SLC45A2: variants seen among roughly 807,000 people sequenced by gnomAD.
SLC45A2 encodes the protein solute carrier family 45 member 2, also known as membrane-associated transporter protein.
Under a neutral mutation model 45.5 loss-of-function variants are expected in SLC45A2, and 36 were observed. That is an observed-to-expected ratio of 0.79 (90% CI 0.61 to 1.04). The LOEUF (loss-of-function observed/expected upper bound fraction) is 1.04, where lower values mean the gene tolerates loss of function less well. Ranked by LOEUF, SLC45A2 falls within the 50% of genes least tolerant of loss-of-function variation. The probability of loss-of-function intolerance (pLI) is 0.00; values close to 1 mark genes in which losing one functional copy is unlikely to be tolerated. For missense variants in SLC45A2, 719 were observed against 671.0 expected, an observed-to-expected ratio of 1.07 and a Z score of -0.79; for synonymous variants, 306 against 269.3, an observed-to-expected ratio of 1.14 and a Z score of -1.33.
chr5:33,952,362 ATT>A lies in SLC45A2; in HGVS notation c.1033-687_1033-686del, dbSNP rs111372186. 2.3e-3 allele frequency among the ~76,000 whole-genome samples: 323 copies of A among 142,638 alleles called. 1 individual carries two copies. The highest frequency in any genetic ancestry group is 7.3e-3 in the African/African-American group (287 of 39,318). The allele number at this position is 142,638 out of a possible 152,430, so 93.6% of individuals were successfully genotyped here. Reference sequence around the variant, plus strand: ...CACATCAATTGGCCCTATTTGTTGTATTTTTTTTTTTTGTAGTTTCAGCATTT... The same window carrying A: ...CACATCAATTGGCCCTATTTGTTGTATTTTTTTTTTGTAGTTTCAGCATTT... On this transcript the variant is annotated intron_variant, in intron 4 of 6. Transcript: ENST00000296589.
chr5:33,955,773 A>G (rs1752256397), intron 3 of SLC45A2, among the ~76,000 whole-genome samples: 1 of 152,236 alleles, frequency 6.6e-6, no homozygotes, highest in Non-Finnish European at 1.5e-5. Flanking sequence ...CTAACTTGTT[A>G]TAGCATGTCT....
At chr5:33,979,822 T>G (rs986356923) in intron 2 of SLC45A2, among the ~76,000 whole-genome samples, 5 of 152,210 alleles carry the variant, frequency 3.3e-5, no homozygotes, top group Admixed American at 6.5e-5. Context: ...TAGGATGACC[T>G]TGGCCGAGAG....
In SLC45A2 at chr5:33,946,032, C is replaced by T. The variant is rs113214512; in HGVS notation, c.1368+1131G>A. On this transcript the variant is annotated intron_variant, in intron 6 of 6. Transcript: ENST00000296589. ...ATATTATCTCACCTAAAAATGAACT[C>T]ATTCTAAGTGCTAACTAATAAACAA... 4.5e-4 allele frequency: 448 copies of T among 985,440 alleles called. 2 individuals carry two copies. The African/African-American group carries it at 7.4e-3, about 16-fold the overall frequency. 61.0% of individuals were successfully genotyped at this position (985,440 alleles called of 1,614,324 possible).
chr5:33,974,438 C>T (rs1007600107), intron 2 of SLC45A2, among the ~76,000 whole-genome samples: 8 of 150,274 alleles, frequency 5.3e-5, no homozygotes, highest in Admixed American at 4.6e-4. Flanking sequence ...TGGAACAGAA[C>T]CACAGCAGTG....
At chr5:33,965,229 G>T (rs1354586320) in intron 2 of SLC45A2, among the ~76,000 whole-genome samples, 2 of 152,084 alleles carry the variant, frequency 1.3e-5, no homozygotes, top group African/African-American at 4.8e-5. Flanking sequence ...AATCAAGGAA[G>T]AAAATAGAAC....
At position 33,982,374 on chromosome 5, in the gene SLC45A2, T is replaced by G. The variant is rs201449781; in HGVS notation, c.424A>C (p.Ile142Leu). ...ANPRRKLVWA[I>L]SVTMIGVVLF... ...ACGACACCTATCATGGTGACACTTA[T>G]GGCCCAAACCAGCTTCCTCCTTGGG... is the stretch of plus-strand genomic sequence containing the variant. The change falls in exon 2 of 7, where the codon ATA becomes CTA. Residue 142 changes from isoleucine (I) to leucine (L), a missense_variant. By Grantham distance (5) the Ile-to-Leu change is conservative. Coordinates refer to ENST00000296589, the MANE Select transcript of SLC45A2 (RefSeq NM_016180.5). The G allele has an allele frequency of 2.5e-6, 4 of 1,614,168 alleles. No homozygotes were observed. The East Asian group carries it at 8.9e-5, about 36-fold the overall frequency.
intron 2 of SLC45A2, among the ~76,000 whole-genome samples, chr5:33,980,293 G>A (rs1753038212): frequency 6.6e-6 from 1 of 151,390 alleles, no homozygotes; most frequent in Non-Finnish European, 1.5e-5. Flanking sequence ...ATGATTTATA[G>A]CTTTGCCAAT....
intron 2 of SLC45A2, chr5:33,971,284 T>C: frequency 1.9e-6 from 1 of 526,702 alleles, no homozygotes; most frequent in South Asian, 1.4e-5. Flanking sequence ...TCAGAATAGA[T>C]GTGGGAATTG....
At chr5:33,969,268 A>G (rs898899114) in intron 2 of SLC45A2, among the ~76,000 whole-genome samples, 4 of 151,834 alleles carry the variant, frequency 2.6e-5, no homozygotes, top group Admixed American at 6.6e-5. Flanking sequence ...TGTGTTCCCA[A>G]TGAAAAGAAA....
chr5:33,966,242 T>A (rs1752596946), intron 2 of SLC45A2, among the ~76,000 whole-genome samples: 1 of 151,988 alleles, frequency 6.6e-6, no homozygotes, highest in Non-Finnish European at 1.5e-5. Flanking sequence ...AATTGGGGAG[T>A]TTCCTGATGC....
rs947915850 is a variant in SLC45A2, at chr5:33,969,275, GA to G, written c.563-5260del. ...ACATGTGTTGTGTTCCCAATGAAAA[GA>G]AAAAAAAAATTTTAAATTAAAATAA... On this transcript the variant is annotated intron_variant, in intron 2 of 6. Coordinates refer to ENST00000296589, the MANE Select transcript of SLC45A2 (RefSeq NM_016180.5). Among the ~76,000 whole-genome samples, 456 of 145,184 alleles carry G rather than the reference GA, an allele frequency of 3.1e-3. 2 individuals carry two copies. The highest frequency in any genetic ancestry group is 9.2e-3 in the African/African-American group (359 of 39,038).
intron 5 of SLC45A2, among the ~76,000 whole-genome samples, chr5:33,948,082 C>A (rs1205902185): frequency 2.0e-5 from 3 of 152,098 alleles, no homozygotes; most frequent in African/African-American, 7.2e-5. Context: ...ATAATAAAAC[C>A]ATCTTTTGGA....
intron 2 of SLC45A2, among the ~76,000 whole-genome samples, chr5:33,964,500 T>C (rs1752546863): frequency 6.6e-6 from 1 of 152,348 alleles, no homozygotes; most frequent in African/African-American, 2.4e-5. Context: ...TTAAGCTTCC[T>C]GGGATGACGT....
chr5:33,950,261 A>G (rs1434594914), intron 5 of SLC45A2, among the ~76,000 whole-genome samples: 3 of 152,138 alleles, frequency 2.0e-5, no homozygotes, highest in African/African-American at 7.2e-5. Context: ...GAAATCATGA[A>G]GGACTTAAGC....
intron 2 of SLC45A2, chr5:33,972,024 G>A (rs767571734): frequency 6.4e-6 from 3 of 465,248 alleles, no homozygotes; most frequent in African/African-American, 4.0e-5. Context: ...TTACAGGTGT[G>A]AGCCACCACA....
At chr5:33,945,000 G>T in intron 6 of SLC45A2, 128 bp from the exon 7 acceptor site, 1 of 862,550 alleles carries the variant, frequency 1.2e-6, no homozygotes. Context: ...TACAGCCCTG[G>T]TCATAACTAC....
Position 33,968,295 on chromosome 5 carries a change from T to A in SLC45A2, c.563-4279A>T, listed in dbSNP as rs965783337. Among the ~76,000 whole-genome samples the A allele has an allele frequency of 7.9e-5, 12 of 152,298 alleles. 2 individuals carry two copies. Among genetic ancestry groups the A allele is most frequent in the East Asian group, 3.9e-4 (2 of 5,186 alleles). Reference sequence around the variant, plus strand: ...GCGCTATGATAAAGGCTGATAGTTTTACCATTTTACCACCTCCCACACCTA... The same window carrying A: ...GCGCTATGATAAAGGCTGATAGTTTAACCATTTTACCACCTCCCACACCTA... On this transcript the variant is annotated intron_variant, in intron 2 of 6. Transcript: ENST00000296589.
intron 3 of SLC45A2, among the ~76,000 whole-genome samples, chr5:33,955,719 T>C (rs1006208588): frequency 1.3e-5 from 2 of 152,058 alleles, no homozygotes; most frequent in African/African-American, 2.4e-5. Context: ...ATGAAAAAAT[T>C]ATGCATGGAT....
At chr5:33,981,474 C>T (rs1371447011) in intron 2 of SLC45A2, among the ~76,000 whole-genome samples, 2 of 152,176 alleles carry the variant, frequency 1.3e-5, no homozygotes, top group African/African-American at 2.4e-5. Flanking sequence ...CTGATAGAGT[C>T]CCCCTCTTAG....
Sources: gnomAD v4.1 joint callset for allele counts (sites outside exome capture counted in the v4.1 genomes callset) on GRCh38, gnomAD v4.1.1 for gene constraint, MANE v1.5 for transcripts, NCBI Gene and HGNC (gene_info 2026-07-23, HGNC 2026-07-21) for gene names.